SULT1C3: variants seen among roughly 807,000 people sequenced by gnomAD.
SULT1C3 encodes the protein sulfotransferase family 1C member 3.
SULT1C3 carries 31 observed loss-of-function variants against 28.4 expected under a neutral mutation model. That is an observed-to-expected ratio of 1.09 (90% CI 0.82 to 1.47). SULT1C3 has a LOEUF of 1.47. SULT1C3 is among the 40% of genes most tolerant of loss of function. The probability of loss-of-function intolerance (pLI) is 0.00; values close to 1 mark genes in which losing one functional copy is unlikely to be tolerated. For missense variants in SULT1C3, 307 were observed against 272.5 expected, an observed-to-expected ratio of 1.13 and a Z score of -0.89; for synonymous variants, 106 against 92.2, an observed-to-expected ratio of 1.15 and a Z score of -0.86.
intron 4 of SULT1C3, among the ~76,000 whole-genome samples, chr2:108,255,185 C>G (rs542661773): frequency 6.6e-6 from 1 of 152,186 alleles, no homozygotes; most frequent in East Asian, 1.9e-4. Context: ...CATTGAGACA[C>G]AGCTGAAACT....
downstream of SULT1C3, among the ~76,000 whole-genome samples, chr2:108,263,577 A>G (rs1676069913): frequency 1.3e-5 from 2 of 152,100 alleles, no homozygotes; most frequent in Admixed American, 6.6e-5. Context: ...CAGCATTGGT[A>G]TAGGGGAGGT....
intron 4 of SULT1C3, among the ~76,000 whole-genome samples, chr2:108,254,063 C>A (rs1163361035): frequency 6.6e-6 from 1 of 151,956 alleles, no homozygotes; most frequent in Non-Finnish European, 1.5e-5. Context: ...CCCCTCCAAC[C>A]CCTCCTCCCT....
chr2:108,264,844 A>G (rs772315572), downstream of SULT1C3: 2 of 1,611,970 alleles, frequency 1.2e-6, no homozygotes, highest in East Asian at 2.2e-5. Context: ...CGGGAAATTG[A>G]GAAGATACTG....
downstream of SULT1C3, chr2:108,264,693 A>C: frequency 1.1e-6 from 1 of 908,864 alleles, no homozygotes; most frequent in Non-Finnish European, 1.6e-6. Flanking sequence ...ACTAGGAGTC[A>C]CTTGAGAAAT....
intron 1 of SULT1C3, among the ~76,000 whole-genome samples, chr2:108,243,056 T>C (rs1441061229): frequency 6.6e-6 from 1 of 152,218 alleles, no homozygotes; most frequent in Non-Finnish European, 1.5e-5. Context: ...TTTTCAATTT[T>C]ACAAAAAGTA....
chr2:108,253,291 G>C (rs1325731137), intron 3 of SULT1C3, 54 bp from the exon 4 acceptor site: 4 of 1,141,080 alleles, frequency 3.5e-6, no homozygotes, highest in Middle Eastern at 2.1e-4. Context: ...TGGAATTCAA[G>C]TATTTTGGCA....
chr2:108,258,491 C>T (rs925623154), intron 5 of SULT1C3, among the ~76,000 whole-genome samples: 9 of 151,886 alleles, frequency 5.9e-5, no homozygotes, highest in Non-Finnish European at 8.8e-5. Context: ...ATTTTATTGC[C>T]GAATGTTTTA....
At chr2:108,243,379 C>G (rs1044720602) in intron 1 of SULT1C3, among the ~76,000 whole-genome samples, 1 of 152,218 alleles carries the variant, frequency 6.6e-6, no homozygotes, top group African/African-American at 2.4e-5. Context: ...CACCTGTAAT[C>G]CCAGCACTTT....
chr2:108,265,215 C>A (rs1421296767), downstream of SULT1C3: 7 of 1,599,736 alleles, frequency 4.4e-6, 1 homozygote, highest in Non-Finnish European at 6.0e-6. Flanking sequence ...CTGCAGCAAT[C>A]ATTAAGATTT....
chr2:108,264,041 C>T (rs1676078698), downstream of SULT1C3, among the ~76,000 whole-genome samples: 5 of 152,098 alleles, frequency 3.3e-5, no homozygotes, highest in South Asian at 1.0e-3. Context: ...ATTTAGCTTC[C>T]TTCTCCCTCT....
downstream of SULT1C3, chr2:108,265,177 G>C: frequency 6.6e-7 from 1 of 1,523,588 alleles, no homozygotes; most frequent in Non-Finnish European, 9.0e-7. Context: ...GGGGTCCTAA[G>C]GGTGCATGCT....
intron 5 of SULT1C3, among the ~76,000 whole-genome samples, chr2:108,256,319 CAGA>C (rs1675866753): frequency 2.0e-5 from 3 of 151,992 alleles, no homozygotes; most frequent in African/African-American, 7.2e-5. Flanking sequence ...AAACCCTTCA[CAGA>C]AGAAGAATAT....
At chr2:108,246,245 C>G (rs1675573610) in intron 1 of SULT1C3, among the ~76,000 whole-genome samples, 1 of 152,212 alleles carries the variant, frequency 6.6e-6, no homozygotes, top group South Asian at 2.1e-4. Flanking sequence ...GCCTGTTACC[C>G]AGTTCCAAAG....
At chr2:108,248,025 A>C (rs930538395) in intron 2 of SULT1C3, among the ~76,000 whole-genome samples, 1 of 152,214 alleles carries the variant, frequency 6.6e-6, no homozygotes, top group African/African-American at 2.4e-5. Flanking sequence ...TGGGAATAGA[A>C]TATGCAAGGG....
chr2:108,242,311 C>A (rs1176422690), intron 1 of SULT1C3, among the ~76,000 whole-genome samples: 1 of 152,190 alleles, frequency 6.6e-6, no homozygotes, highest in African/African-American at 2.4e-5. Flanking sequence ...ACATATATAG[C>A]AGCACAGACA....
At position 108,258,791 on chromosome 2, in the gene SULT1C3, A is replaced by C; in HGVS notation, c.584A>C (p.His195Pro). Residue 195 changes from histidine (H) to proline (P), a missense_variant, in exon 6 of 8, where the codon CAC becomes CCC. By Grantham distance (77) the His-to-Pro change is moderately conservative. Coordinates refer to ENST00000681802, the MANE Select transcript of SULT1C3 (RefSeq NM_001320878.2). ...GGATGGTGGGCTGCAAAAGACATGC[A>C]CCGGATCCTCTACCTCTTCTACGAG... Reference protein sequence around the residue: ...VKGWWAAKDMHRILYLFYEDI... With the variant: ...VKGWWAAKDMPRILYLFYEDI... 2 of 1,612,858 alleles carry C rather than the reference A, an allele frequency of 1.2e-6. No individual in the cohort carries two copies. Among genetic ancestry groups the C allele is most frequent in the African/African-American group, 1.3e-5 (1 of 74,952 alleles).
intron 1 of SULT1C3, among the ~76,000 whole-genome samples, chr2:108,246,647 GA>G (rs61344697): frequency 6.0e-5 from 9 of 150,104 alleles, no homozygotes; most frequent in South Asian, 4.2e-4. Flanking sequence ...TTCCATGAAT[GA>G]AAAAAAAACT....
rs770365056 is a variant in SULT1C3 at position 108,259,165 on chromosome 2, C to G, written c.802+19C>G. 6 of 330,456 alleles carry G rather than the reference C, an allele frequency of 1.8e-5. No homozygotes were observed. In the South Asian group the frequency reaches 2.5e-4, roughly 14 times the overall value. The allele number at this position is 330,456 out of a possible 1,614,324, so 20.5% of individuals were successfully genotyped here. ...AGGAAAGGTTGGTGGCATTTCTTTT[C>G]CTTAACTGAACTCTAAAAAATTTTC... On this transcript the variant is annotated intron_variant, in intron 7 of 7. Coordinates refer to ENST00000681802, the MANE Select transcript of SULT1C3 (RefSeq NM_001320878.2).
At chr2:108,252,187 A>G (rs1675745334) in intron 2 of SULT1C3, among the ~76,000 whole-genome samples, 178 bp from the exon 3 acceptor site, 1 of 149,332 alleles carries the variant, frequency 6.7e-6, no homozygotes, top group Admixed American at 6.8e-5. Flanking sequence ...AGATAGATAG[A>G]TGGATAGATA....
Sources: gnomAD v4.1 joint callset for allele counts (sites outside exome capture counted in the v4.1 genomes callset) on GRCh38, gnomAD v4.1.1 for gene constraint, MANE v1.5 for transcripts, NCBI Gene and HGNC (gene_info 2026-07-23, HGNC 2026-07-21) for gene names.